The following ZNF735 variants were observed in gnomAD, a reference collection of about 807,000 sequenced individuals.
The protein encoded by ZNF735 is putative zinc finger protein 735.
ZNF735 carries 11 observed loss-of-function variants against 13.4 expected under a neutral mutation model. The observed-to-expected ratio is 0.82, with a 90% CI of 0.52 to 1.36. The LOEUF (loss-of-function observed/expected upper bound fraction) is 1.36. Ranked by LOEUF, ZNF735 falls within the 40% of genes most tolerant of loss-of-function variation. The pLI is 0.00. For synonymous variants in ZNF735, 171 were observed against 162.6 expected (o/e 1.05, Z -0.39); for missense variants, 500 against 484.6 (o/e 1.03, Z -0.30).
chr7:64,213,137 G>T lies in ZNF735; in HGVS notation c.85G>T (p.Glu29Ter). Residue 29 changes from glutamate (E) to a stop codon, truncating the protein, a stop_gained, in exon 2 of 4, where the codon GAG becomes TAG. Coordinates refer to ENST00000429565, the Ensembl canonical transcript of ZNF735. LOFTEE classifies it high-confidence loss of function. ...CATAGCTATAGAATTCTCTCTGGCG[G>T]AGTGGCAATGCCTGGATCATGCTCA... is the stretch of plus-strand genomic sequence containing the variant. The T allele has an allele frequency of 6.2e-7, 1 of 1,613,012 alleles. No homozygotes were observed.
chr7:64,219,526 A>C lies in ZNF735; in HGVS notation c.475A>C (p.Thr159Pro), dbSNP rs780552808. 1.2e-6 allele frequency: 2 copies of C among 1,602,814 alleles called. No homozygotes were observed. Among genetic ancestry groups the C allele is most frequent in the Admixed American group, 3.5e-5 (2 of 57,108 alleles). Residue 159 changes from threonine to proline, a missense_variant, in exon 4 of 4, where the codon ACT becomes CCT. Transcript: ENST00000429565. ...AAATACCCAAAACAAAATATTTCAG[A>C]CTCATAAATGTGTCAAAGTCTTCAG... is the stretch of plus-strand genomic sequence containing the variant.
intron 1 of ZNF735, among the ~76,000 whole-genome samples, chr7:64,211,661 C>T (rs1196038238): frequency 1.3e-5 from 2 of 151,558 alleles, no homozygotes; most frequent in African/African-American, 4.9e-5. Context: ...GTCAGGAGTT[C>T]GAGGCCCGCC....
At chr7:64,214,074 T>A in exon 3 of ZNF735, 1 of 1,600,668 alleles carries the variant, frequency 6.2e-7, no homozygotes, top group Non-Finnish European at 8.5e-7. Flanking sequence ...AGCCCCAGAA[T>A]ATAAAGAGAA....
In ZNF735 at chr7:64,220,112, CAT is replaced by C. The variant is rs1787474327; in HGVS notation, c.1062_1063del (p.Cys355Ter). The stretch of plus-strand genomic sequence containing the variant: ...ATTCATACTGGAGAGAAACCCTACA[CAT>C]GTGAAGAATGTGGCAGAACCTTTAA... On this transcript the variant is annotated frameshift_variant, in exon 4 of 4. Transcript: ENST00000429565. LOFTEE classifies it low-confidence loss of function (END_TRUNC). 9.9e-6 allele frequency: 16 copies of C among 1,613,062 alleles called. No homozygotes were observed. Among genetic ancestry groups the C allele is most frequent in the Non-Finnish European group, 1.4e-5 (16 of 1,179,678 alleles).
At chr7:64,219,960 C>A (rs1378983521) in exon 4 of ZNF735, 1 of 1,613,968 alleles carries the variant, frequency 6.2e-7, no homozygotes, top group Non-Finnish European at 8.5e-7. Flanking sequence ...AAGAATGTGG[C>A]AAAGCCTTTA....
chr7:64,219,204 T>C, intron 3 of ZNF735, 110 bp from the exon 4 acceptor site: 1 of 1,356,916 alleles, frequency 7.4e-7, no homozygotes, highest in Non-Finnish European at 9.9e-7. Flanking sequence ...TGTGGTATTT[T>C]GATATGCCAT....
At chr7:64,217,624 A>G (rs1787437971) in intron 3 of ZNF735, among the ~76,000 whole-genome samples, 2 of 152,158 alleles carry the variant, frequency 1.3e-5, no homozygotes, top group Non-Finnish European at 2.9e-5. Flanking sequence ...ATGCATATGC[A>G]TATAGATAGA....
At chr7:64,213,979 A>C (rs749163298) in intron 2 of ZNF735, 34 bp from the exon 3 acceptor site, 100 of 1,528,546 alleles carry the variant, frequency 6.5e-5, no homozygotes, top group Non-Finnish European at 8.2e-5. Flanking sequence ...TAAATAAATA[A>C]GATTTAAGTT....
rs1270311343 is a variant in ZNF735, at chr7:64,214,012, G to A, written c.167-1G>A. 2.5e-6 allele frequency: 4 copies of A among 1,594,804 alleles called. No individual in the cohort carries two copies. Among genetic ancestry groups the A allele is most frequent in the Admixed American group, 1.7e-5 (1 of 59,554 alleles). ...GTTACTTTTTTTTCTTAATAAAACA[G>A]GTATGACTGTCTCTAAGCCAGACTT... On this transcript the variant is annotated splice_acceptor_variant, in intron 2 of 3. Coordinates refer to ENST00000429565, the Ensembl canonical transcript of ZNF735. LOFTEE classifies it high-confidence loss of function.
At chr7:64,215,653 T>A (rs1255791055) in intron 3 of ZNF735, among the ~76,000 whole-genome samples, 1 of 75,776 alleles carries the variant, frequency 1.3e-5, no homozygotes, top group Non-Finnish European at 2.9e-5. Context: ...AAGAGTTTCA[T>A]TTTTTTTTTT....
At chr7:64,220,240 G>T (rs1769535229) in exon 4 of ZNF735, 2 of 1,611,038 alleles carry the variant, frequency 1.2e-6, no homozygotes, top group Non-Finnish European at 1.7e-6. Flanking sequence ...TTCAAGTCTT[G>T]CTAAACATAA....
intron 3 of ZNF735, among the ~76,000 whole-genome samples, chr7:64,218,702 A>C (rs915274706): frequency 3.3e-5 from 5 of 152,094 alleles, no homozygotes; most frequent in African/African-American, 1.2e-4. Context: ...ATACATTATA[A>C]TCTTTGGTTG....
chr7:64,208,338 A>G (rs953736069), intron 1 of ZNF735, among the ~76,000 whole-genome samples: 6 of 136,808 alleles, frequency 4.4e-5, no homozygotes, highest in Admixed American at 8.5e-5. Context: ...CCTCTTTACA[A>G]CCTCTGCCTC....
chr7:64,209,543 T>C (rs1584212520), intron 1 of ZNF735, among the ~76,000 whole-genome samples: 1 of 152,078 alleles, frequency 6.6e-6, no homozygotes, highest in South Asian at 2.1e-4. Flanking sequence ...GCCAGGCTGG[T>C]CTCAAACTCC....
At chr7:64,220,251 G>C (rs918186646) in exon 4 of ZNF735, 1 of 1,612,174 alleles carries the variant, frequency 6.2e-7, no homozygotes, top group African/African-American at 1.3e-5. Context: ...CTAAACATAA[G>C]ATAATTCACA....
At chr7:64,213,619 T>C (rs888307886) in intron 2 of ZNF735, among the ~76,000 whole-genome samples, 1 of 152,190 alleles carries the variant, frequency 6.6e-6, no homozygotes, top group African/African-American at 2.4e-5. Flanking sequence ...TTTTCTATTA[T>C]ATCCTTTTTA....
chr7:64,216,431 A>C (rs957509532), intron 3 of ZNF735, among the ~76,000 whole-genome samples: 7 of 152,212 alleles, frequency 4.6e-5, no homozygotes, highest in African/African-American at 1.4e-4. Flanking sequence ...AAATATGTTG[A>C]GCCTTGAGCA....
intron 1 of ZNF735, among the ~76,000 whole-genome samples, chr7:64,210,253 T>G (rs1787339990): frequency 1.3e-5 from 2 of 152,214 alleles, no homozygotes; most frequent in South Asian, 4.1e-4. Context: ...TATTGCTGCC[T>G]TCTGTTTTCT....
At position 64,214,120 on chromosome 7, in the gene ZNF735, C is replaced by T; in HGVS notation, c.262+12C>T. ...AGCCAAACACCCAGGTAGGTGAGAG[C>T]AAATGAAGCAGATGACACGGATGAG... On this transcript the variant is annotated intron_variant, in intron 3 of 3. Coordinates refer to ENST00000429565, the Ensembl canonical transcript of ZNF735. 6.3e-7 allele frequency: 1 copy of T among 1,597,744 alleles called. No homozygotes were observed. Among genetic ancestry groups the T allele is most frequent in the Non-Finnish European group, 8.5e-7 (1 of 1,178,292 alleles).
Sources: gnomAD v4.1 joint callset for allele counts (sites outside exome capture counted in the v4.1 genomes callset) on GRCh38, gnomAD v4.1.1 for gene constraint, MANE v1.5 for transcripts, NCBI Gene and HGNC (gene_info 2026-07-23, HGNC 2026-07-21) for gene names.